Variants in C1orf105 observed in about 807,000 individuals in gnomAD.
The protein encoded by C1orf105 is uncharacterized protein C1orf105.
A neutral mutation model predicts 20.8 loss-of-function variants in C1orf105; 17 were observed. The ratio of observed to expected loss-of-function variants is 0.82; its 90% confidence interval spans 0.56 to 1.23. C1orf105 has a LOEUF of 1.23. C1orf105 is among the 50% of genes most tolerant of loss of function. The pLI, the probability that C1orf105 is intolerant of heterozygous loss-of-function variation, is 0.00. For synonymous variants in C1orf105, 72 were observed against 72.1 expected (o/e 1.00, Z 0.01); for missense variants, 219 against 213.5 (o/e 1.03, Z -0.16).
At chr1:172,450,186 A>G (rs1054976513) in intron 3 of C1orf105, among the ~76,000 whole-genome samples, 2 of 152,190 alleles carry the variant, frequency 1.3e-5, no homozygotes, top group African/African-American at 2.4e-5. Context: ...AGAAGTCCCA[A>G]ATAGGTTGCT....
At chr1:172,458,892 T>C (rs1228835216) in intron 4 of C1orf105, among the ~76,000 whole-genome samples, 2 of 152,330 alleles carry the variant, frequency 1.3e-5, no homozygotes, top group East Asian at 1.9e-4. Context: ...TAAATTCTTA[T>C]GTTTATAAAC....
rs370772265 is a variant in C1orf105 at position 172,462,170 on chromosome 1, T to A, written c.274-8T>A. On this transcript the variant is annotated splice_region_variant and splice_polypyrimidine_tract_variant and intron_variant, in intron 4 of 6. Coordinates refer to ENST00000367727, the MANE Select transcript of C1orf105 (RefSeq NM_139240.4). The stretch of plus-strand genomic sequence containing the variant: ...AGGCAACGTTCTAAATGAGACTTTC[T>A]TCTTGAGGTACAACCAAGAACAATG... 6.2e-7 allele frequency: 1 copy of A among 1,602,778 alleles called. No individual in the cohort carries two copies. Among genetic ancestry groups the A allele is most frequent in the African/African-American group, 1.3e-5 (1 of 74,676 alleles).
chr1:172,454,561 A>T (rs1222889391), intron 3 of C1orf105, among the ~76,000 whole-genome samples: 1 of 151,974 alleles, frequency 6.6e-6, no homozygotes, highest in East Asian at 1.9e-4. Flanking sequence ...CTCCCACCAG[A>T]CAACCTGTCC....
At chr1:172,428,046 C>T (rs1359703816) in intron 1 of C1orf105, among the ~76,000 whole-genome samples, 1 of 152,160 alleles carries the variant, frequency 6.6e-6, no homozygotes, top group African/African-American at 2.4e-5. Context: ...GTTACCATCC[C>T]TCTGCCCCCA....
In C1orf105 at chr1:172,444,434, C is replaced by T. The variant is rs72725266; in HGVS notation, c.22-639C>T. The T allele has an allele frequency of 7.7e-3, 3,347 of 437,004 alleles. 30 individuals are homozygous for T. The highest frequency in any genetic ancestry group is 8.4e-3 in the Non-Finnish European group (2,755 of 328,644). The allele number at this position is 437,004 out of a possible 1,614,324, so 27.1% of individuals were successfully genotyped here. A position where few individuals can be genotyped will look rare whatever the true frequency, so the allele number is the denominator to read the frequency against. On this transcript the variant is annotated intron_variant, in intron 1 of 6. Coordinates refer to ENST00000367727, the MANE Select transcript of C1orf105 (RefSeq NM_139240.4). ...TCCACAGATACTGATTGAATGCCTG[C>T]ATGTAACAAGCCATGCTTGGGGTGC...
At chr1:172,430,257 A>G in intron 1 of C1orf105, 1 of 689,072 alleles carries the variant, frequency 1.5e-6, no homozygotes, top group Non-Finnish European at 2.6e-6. Flanking sequence ...TTCCCACCAC[A>G]ACTGTCATAC....
chr1:172,456,335 C>T, intron 3 of C1orf105, 80 bp from the exon 4 acceptor site: 1 of 1,197,358 alleles, frequency 8.4e-7, no homozygotes. Flanking sequence ...CTCTCTCACC[C>T]CTCCACTGCT....
chr1:172,435,458 C>T lies in C1orf105; in HGVS notation c.22-9615C>T, dbSNP rs901837257. On this transcript the variant is annotated intron_variant, in intron 1 of 6. Transcript: ENST00000367727. Reference sequence around the variant, plus strand: ...GGTTCAACATACGCAAATCAATAAACGTAATCCATCACATAAACAGAACCA... The same window carrying T: ...GGTTCAACATACGCAAATCAATAAATGTAATCCATCACATAAACAGAACCA... Among the ~76,000 whole-genome samples the T allele has an allele frequency of 5.3e-5, 8 of 152,092 alleles. No individual in the cohort carries two copies. The South Asian group carries it at 8.3e-4, about 16-fold the overall frequency.
intron 1 of C1orf105, among the ~76,000 whole-genome samples, chr1:172,433,675 C>T (rs543645020): frequency 1.7e-3 from 261 of 152,284 alleles, no homozygotes; most frequent in African/African-American, 6.1e-3. Flanking sequence ...ACTATCGATG[C>T]TAGGAAGAAA....
intron 4 of C1orf105, among the ~76,000 whole-genome samples, chr1:172,460,588 A>G (rs1649619639): frequency 6.6e-6 from 1 of 151,376 alleles, no homozygotes; most frequent in African/African-American, 2.5e-5. Context: ...ATAGTTTCAA[A>G]ATAAATTAAG....
chr1:172,448,349 G>A, intron 2 of C1orf105, 92 bp from the exon 3 acceptor site: 1 of 810,388 alleles, frequency 1.2e-6, no homozygotes, highest in East Asian at 2.5e-5. Flanking sequence ...AGCTCCCTGT[G>A]GTGTCCCTTG....
intron 1 of C1orf105, among the ~76,000 whole-genome samples, chr1:172,424,925 GGCCACA>G (rs1379610377): frequency 1.3e-5 from 2 of 152,208 alleles, no homozygotes; most frequent in African/African-American, 4.8e-5. Flanking sequence ...CCCAGCACAA[GGCCACA>G]GGGCCAGCCT....
At chr1:172,458,515 T>A (rs1225017940) in intron 4 of C1orf105, among the ~76,000 whole-genome samples, 1 of 152,038 alleles carries the variant, frequency 6.6e-6, no homozygotes, top group East Asian at 1.9e-4. Flanking sequence ...AGCTATACAA[T>A]GAAAAGTATA....
At chr1:172,447,649 G>C (rs1454351744) in intron 2 of C1orf105, among the ~76,000 whole-genome samples, 3 of 152,226 alleles carry the variant, frequency 2.0e-5, no homozygotes, top group African/African-American at 7.2e-5. Flanking sequence ...AATGAAGCAA[G>C]AAATGTCTCA....
At chr1:172,444,385 C>G (rs1419993578) in intron 1 of C1orf105, 1 of 805,872 alleles carries the variant, frequency 1.2e-6, no homozygotes, top group African/African-American at 1.9e-5. Context: ...TCAGCTGGGA[C>G]TTCCCGTGCA....
intron 1 of C1orf105, chr1:172,442,655 C>T (rs1378311245): frequency 1.3e-6 from 2 of 1,571,136 alleles, no homozygotes; most frequent in Non-Finnish European, 1.7e-6. Flanking sequence ...CCAGTTTAAT[C>T]ATCGCCCTCA....
At chr1:172,423,761 A>C (rs1641434624) in intron 1 of C1orf105, among the ~76,000 whole-genome samples, 1 of 150,870 alleles carries the variant, frequency 6.6e-6, no homozygotes, top group South Asian at 2.1e-4. Context: ...AAATTTAACA[A>C]AGAAATTGAA....
At chr1:172,446,875 A>G (rs2149175280) in intron 2 of C1orf105, among the ~76,000 whole-genome samples, 1 of 152,346 alleles carries the variant, frequency 6.6e-6, no homozygotes, top group South Asian at 2.1e-4. Context: ...GCTAGGCACA[A>G]GGAGAAATTA....
chr1:172,431,034 T>A, intron 1 of C1orf105: 1 of 630,182 alleles, frequency 1.6e-6, no homozygotes. Flanking sequence ...CTCTTCCCTG[T>A]CTTTCTTCCT....
Sources: gnomAD v4.1 joint callset for allele counts (sites outside exome capture counted in the v4.1 genomes callset) on GRCh38, gnomAD v4.1.1 for gene constraint, MANE v1.5 for transcripts, NCBI Gene and HGNC (gene_info 2026-07-23, HGNC 2026-07-21) for gene names.